KIF24: variants seen among roughly 807,000 people sequenced by gnomAD.
KIF24 encodes the protein kinesin family member 24, also known as kinesin-like protein KIF24.
KIF24 carries 81 observed loss-of-function variants against 118.9 expected under a neutral mutation model. That is an observed-to-expected ratio of 0.68 (90% CI 0.57 to 0.82). The LOEUF is 0.82. Among genes scored for constraint, KIF24 ranks in the 40% least tolerant of loss-of-function variants. The pLI is 0.00. For missense variants in KIF24, 1,560 were observed against 1,661.6 expected, an observed-to-expected ratio of 0.94 and a Z score of 1.06; for synonymous variants, 599 against 610.0, an observed-to-expected ratio of 0.98 and a Z score of 0.27.
At chr9:34,295,194 T>TGG (rs1554664262) in intron 4 of KIF24, among the ~76,000 whole-genome samples, 10 of 149,578 alleles carry the variant, frequency 6.7e-5, no homozygotes, top group Non-Finnish European at 1.5e-4. Flanking sequence ...GATGGATGGA[T>TGG]AGACAGACAG....
chr9:34,291,091 G>C (rs1836238773), intron 4 of KIF24, among the ~76,000 whole-genome samples: 1 of 152,164 alleles, frequency 6.6e-6, no homozygotes. Flanking sequence ...TGAAAGAATA[G>C]AGAATTAAAT....
chr9:34,291,570 T>G (rs539337419), intron 4 of KIF24, among the ~76,000 whole-genome samples: 60 of 152,322 alleles, frequency 3.9e-4, no homozygotes, highest in African/African-American at 1.4e-3. Context: ...GTACACACCC[T>G]TTATGAGTGT....
chr9:34,306,127 C>G lies in KIF24; in HGVS notation c.813+125G>C, dbSNP rs1298068566. On this transcript the variant is annotated intron_variant, in intron 3 of 12. Coordinates refer to ENST00000402558, the MANE Select transcript of KIF24 (RefSeq NM_194313.4). Reference sequence around the variant, plus strand: ...GTCACATCAGGAATGAATGTCAACACCCGAACCAGAAACTTGATTTTCAGT... The same window carrying G: ...GTCACATCAGGAATGAATGTCAACAGCCGAACCAGAAACTTGATTTTCAGT... 7.4e-6 allele frequency: 5 copies of G among 677,344 alleles called. No homozygotes were observed. The Admixed American group carries it at 7.5e-5, about 10-fold the overall frequency. The allele number at this position is 677,344 out of a possible 1,614,324, so 42.0% of individuals were successfully genotyped here.
intron 1 of KIF24, among the ~76,000 whole-genome samples, chr9:34,325,513 T>C (rs980113083): frequency 1.3e-5 from 2 of 151,840 alleles, no homozygotes; most frequent in Admixed American, 1.3e-4. Flanking sequence ...GTCAACATGG[T>C]GAAACCCCAT....
chr9:34,325,293 CATG>C (rs1178630331), intron 1 of KIF24, among the ~76,000 whole-genome samples: 1 of 147,668 alleles, frequency 6.8e-6, no homozygotes, highest in Non-Finnish European at 1.5e-5. Context: ...TGCAGTGAAC[CATG>C]ATGACACCAC....
intron 3 of KIF24, among the ~76,000 whole-genome samples, chr9:34,299,985 T>G (rs1012463014): frequency 1.3e-5 from 2 of 152,130 alleles, no homozygotes; most frequent in African/African-American, 4.8e-5. Context: ...GCTCTAAATA[T>G]CTAGTCAAGA....
chr9:34,265,700 T>A (rs1456485737), intron 8 of KIF24, among the ~76,000 whole-genome samples: 1 of 152,092 alleles, frequency 6.6e-6, no homozygotes, highest in African/African-American at 2.4e-5. Flanking sequence ...GAATTAATCA[T>A]ATTATAAATA....
At chr9:34,329,337 A>G (rs148520348), upstream of KIF24, among the ~76,000 whole-genome samples, 1 of 152,376 alleles carries the variant, frequency 6.6e-6, no homozygotes, top group Non-Finnish European at 1.5e-5. Flanking sequence ...GAATCGGTTG[A>G]CGTTCGTTGA....
intron 8 of KIF24, among the ~76,000 whole-genome samples, chr9:34,268,892 G>GTA (rs1011647287): frequency 3.9e-5 from 6 of 152,152 alleles, no homozygotes; most frequent in Admixed American, 1.3e-4. Context: ...AATCTGACAG[G>GTA]TATATGGGAG....
chr9:34,331,920 G>T (rs2131851652), upstream of KIF24, among the ~76,000 whole-genome samples: 1 of 152,262 alleles, frequency 6.6e-6, no homozygotes, highest in African/African-American at 2.4e-5. Flanking sequence ...CTTAGACAAT[G>T]AAATATCACT....
rs532089520 is a variant in KIF24 at position 34,295,946 on chromosome 9, G to A, written c.911+1071C>T. Among the ~76,000 whole-genome samples, 37 of 152,096 alleles carry A rather than the reference G, an allele frequency of 2.4e-4. 1 individual carries two copies. The highest frequency in any genetic ancestry group is 8.3e-4 in the South Asian group (4 of 4,812). ...AACTTAAAAATACATCTGGCCGGGC[G>A]CGATGGCTCACACCTGTAATCCCAG... On this transcript the variant is annotated intron_variant, in intron 4 of 12. Transcript: ENST00000402558.
Position 34,306,436 on chromosome 9 carries a change from TTCTG to T in KIF24, c.625_628del (p.Gln209ThrfsTer26), listed in dbSNP as rs767920551. 66 of 1,592,978 alleles carry T rather than the reference TTCTG, an allele frequency of 4.1e-5. No homozygotes were observed. Among genetic ancestry groups the T allele is most frequent in the Middle Eastern group, 1.7e-4 (1 of 5,986 alleles). ...CCAAGGATTCTGTTTCTCTGAAGTG[TTCTG>T]TCTAATATGTTTATAAACAGGCTTT... On this transcript the variant is annotated frameshift_variant and splice_region_variant, in exon 3 of 13. Transcript: ENST00000402558. LOFTEE classifies it high-confidence loss of function.
rs545386901 is a variant in KIF24, at chr9:34,254,040, C to G, written c.*340G>C. ...CACTGACCACCCCATCCTCTGATCCCCAAACTTAGAAACTTCAGGGTTATT... is the reference window on the plus strand; with the variant it reads ...CACTGACCACCCCATCCTCTGATCCGCAAACTTAGAAACTTCAGGGTTATT... On this transcript the variant is annotated 3_prime_UTR_variant, in exon 13 of 13. Coordinates refer to ENST00000402558, the MANE Select transcript of KIF24 (RefSeq NM_194313.4). 4.3e-5 allele frequency: 8 copies of G among 184,252 alleles called. 1 individual carries two copies. The East Asian group carries it at 1.1e-3, about 25-fold the overall frequency. The allele number at this position is 184,252 out of a possible 1,614,324, so 11.4% of individuals were successfully genotyped here.
chr9:34,320,658 C>CAAAAA (rs68048466), intron 1 of KIF24, among the ~76,000 whole-genome samples: 32 of 54,248 alleles, frequency 5.9e-4, no homozygotes, highest in South Asian at 2.1e-3. Flanking sequence ...AACTCCTTCT[C>CAAAAA]AAAAAAAAAA....
At chr9:34,275,326 G>A (rs141538632) in intron 6 of KIF24, among the ~76,000 whole-genome samples, 358 of 152,186 alleles carry the variant, frequency 2.4e-3, no homozygotes, top group South Asian at 5.0e-3. Context: ...CCCGGGAGGT[G>A]GAGGTTGTAG....
intron 3 of KIF24, among the ~76,000 whole-genome samples, chr9:34,303,644 G>A (rs996801855): frequency 6.6e-6 from 1 of 152,104 alleles, no homozygotes; most frequent in Non-Finnish European, 1.5e-5. Flanking sequence ...GAGCTCAGGA[G>A]TTCGAGACCA....
At chr9:34,317,570 C>T (rs1269552695) in intron 1 of KIF24, among the ~76,000 whole-genome samples, 1 of 152,132 alleles carries the variant, frequency 6.6e-6, no homozygotes, top group East Asian at 1.9e-4. Flanking sequence ...TTAAATTGTG[C>T]ACCATTCTGA....
intron 9 of KIF24, among the ~76,000 whole-genome samples, chr9:34,259,979 A>G (rs1412155268): frequency 6.6e-6 from 1 of 152,230 alleles, no homozygotes; most frequent in Non-Finnish European, 1.5e-5. Context: ...GTGAGGGTCC[A>G]GGGAAATGAG....
chr9:34,310,176 T>C (rs146120547), intron 2 of KIF24, among the ~76,000 whole-genome samples: 1 of 152,306 alleles, frequency 6.6e-6, no homozygotes, highest in Non-Finnish European at 1.5e-5. Context: ...CAAAATTATC[T>C]GTTTTTTCCG....
Sources: allele counts gnomAD v4.1 joint callset (sites outside exome capture counted in the v4.1 genomes callset), GRCh38; gene constraint gnomAD v4.1.1; transcripts MANE v1.5; gene names NCBI Gene and HGNC (gene_info 2026-07-23, HGNC 2026-07-21).